CDH11: variants seen among roughly 807,000 people sequenced by gnomAD.
CDH11 encodes the protein cadherin-11.
A neutral mutation model predicts 67.8 loss-of-function variants in CDH11; 11 were observed. That is an observed-to-expected ratio of 0.16 (90% CI 0.10 to 0.27). The LOEUF (loss-of-function observed/expected upper bound fraction) is 0.27. Among genes scored for constraint, CDH11 ranks in the 10% least tolerant of loss-of-function variants. CDH11 has a pLI of 1.00. For missense variants in CDH11, 847 were observed against 1,031.2 expected (o/e 0.82, Z 2.45); for synonymous variants, 419 against 400.0 (o/e 1.05, Z -0.57).
intron 1 of CDH11, among the ~76,000 whole-genome samples, chr16:65,070,160 AG>A (rs1035476486): frequency 1.3e-5 from 2 of 152,164 alleles, no homozygotes; most frequent in African/African-American, 4.8e-5. Context: ...GAGGTAAGTA[AG>A]TTTAATATCT....
chr16:65,106,098 A>G (rs972696719), intron 1 of CDH11, among the ~76,000 whole-genome samples: 3 of 152,194 alleles, frequency 2.0e-5, no homozygotes, highest in African/African-American at 7.2e-5. Flanking sequence ...TGTTAGGAGA[A>G]TAATACACAT....
chr16:64,998,464 A>C, intron 4 of CDH11, 98 bp downstream of exon 4: 2 of 1,127,656 alleles, frequency 1.8e-6, no homozygotes, highest in Middle Eastern at 2.9e-4. Flanking sequence ...AAGATAAAGA[A>C]GAAGCTCTAC....
intron 4 of CDH11, among the ~76,000 whole-genome samples, chr16:64,996,191 A>T (rs533520146): frequency 6.6e-6 from 1 of 152,304 alleles, no homozygotes; most frequent in Admixed American, 6.5e-5. Flanking sequence ...CTCAAAAAAA[A>T]CAGAATTACA....
At chr16:65,070,755 T>C (rs552340642) in intron 1 of CDH11, among the ~76,000 whole-genome samples, 2 of 152,342 alleles carry the variant, frequency 1.3e-5, no homozygotes, top group South Asian at 2.1e-4. Context: ...GATTAACTCA[T>C]ACTGATTAGA....
At chr16:65,079,589 C>T (rs1461758882) in intron 1 of CDH11, among the ~76,000 whole-genome samples, 1 of 152,160 alleles carries the variant, frequency 6.6e-6, no homozygotes, top group Admixed American at 6.6e-5. Flanking sequence ...TTAAACTCTT[C>T]AGCATGGCCT....
chr16:64,990,017 G>A (rs1156277485), intron 6 of CDH11, among the ~76,000 whole-genome samples: 1 of 152,032 alleles, frequency 6.6e-6, no homozygotes, highest in African/African-American at 2.4e-5. Context: ...GTGGGAAGTG[G>A]GAGTCCCTTG....
chr16:65,058,949 A>G (rs1188027428), intron 1 of CDH11, among the ~76,000 whole-genome samples: 1 of 152,240 alleles, frequency 6.6e-6, no homozygotes, highest in South Asian at 2.1e-4. Context: ...GTGCATGATT[A>G]AACATTTTAC....
chr16:65,011,035 A>G (rs2073170309), intron 2 of CDH11, among the ~76,000 whole-genome samples: 1 of 148,056 alleles, frequency 6.8e-6, no homozygotes, highest in Admixed American at 6.8e-5. Context: ...ATACACACAT[A>G]TGTATATGTA....
chr16:65,096,445 A>ATG (rs1384566682), intron 1 of CDH11, among the ~76,000 whole-genome samples: 1 of 97,958 alleles, frequency 1.0e-5, no homozygotes, highest in Non-Finnish European at 2.1e-5. Flanking sequence ...GTGTGTGTGT[A>ATG]TATATATGTT....
At chr16:65,010,507 C>T (rs1406237841) in intron 2 of CDH11, among the ~76,000 whole-genome samples, 3 of 152,044 alleles carry the variant, frequency 2.0e-5, no homozygotes, top group African/African-American at 7.2e-5. Flanking sequence ...AGACTTGGAG[C>T]AAGGCATAAG....
At chr16:65,005,226 A>T (rs556872601) in intron 2 of CDH11, among the ~76,000 whole-genome samples, 185 bp from the exon 3 acceptor site, 2 of 152,332 alleles carry the variant, frequency 1.3e-5, no homozygotes, top group South Asian at 4.1e-4. Context: ...TGTACCCAGT[A>T]CAAAGCTGTC....
intron 11 of CDH11, among the ~76,000 whole-genome samples, chr16:64,965,970 C>T (rs2071813497): frequency 6.6e-6 from 1 of 151,620 alleles, no homozygotes; most frequent in East Asian, 1.9e-4. Flanking sequence ...AAATGTATAG[C>T]TCAAACTCTA....
chr16:65,006,948 C>T (rs189748614), intron 2 of CDH11: 2 of 152,308 alleles, frequency 1.3e-5, no homozygotes, highest in East Asian at 3.9e-4. Context: ...TCCTCCTCGC[C>T]TTCAACTATA....
chr16:64,972,276 T>G (rs1463887394), intron 9 of CDH11, among the ~76,000 whole-genome samples: 2 of 152,214 alleles, frequency 1.3e-5, no homozygotes, highest in Non-Finnish European at 2.9e-5. Context: ...CAGTAAGAAC[T>G]AAAACACTTT....
At chr16:64,984,662 C>G (rs1013310869) in intron 7 of CDH11, 7 of 152,138 alleles carry the variant, frequency 4.6e-5, no homozygotes, top group African/African-American at 1.7e-4. Context: ...AAGGTTATAT[C>G]TAATCTGTGG....
intron 1 of CDH11, among the ~76,000 whole-genome samples, chr16:65,079,964 T>A (rs887164218): frequency 6.6e-6 from 1 of 152,228 alleles, no homozygotes; most frequent in African/African-American, 2.4e-5. Context: ...TTTTACTTCT[T>A]GATATTTTTC....
chr16:65,113,498 T>C (rs2075194672), intron 1 of CDH11, among the ~76,000 whole-genome samples: 1 of 152,148 alleles, frequency 6.6e-6, no homozygotes, highest in Non-Finnish European at 1.5e-5. Flanking sequence ...ATCTGATTCC[T>C]GAGAATTCTA....
intron 4 of CDH11, among the ~76,000 whole-genome samples, chr16:64,995,436 C>G (rs949389855): frequency 6.6e-6 from 1 of 152,096 alleles, no homozygotes; most frequent in Non-Finnish European, 1.5e-5. Flanking sequence ...AGAAATAAAG[C>G]CACACACCTA....
chr16:65,072,911 A>T (rs1048092766), intron 1 of CDH11, among the ~76,000 whole-genome samples: 4 of 152,166 alleles, frequency 2.6e-5, no homozygotes, highest in Non-Finnish European at 4.4e-5. Context: ...GGGGTTTCCT[A>T]TAAAAATTAA....
Sources: gnomAD v4.1 joint callset for allele counts (sites outside exome capture counted in the v4.1 genomes callset) on GRCh38, gnomAD v4.1.1 for gene constraint, MANE v1.5 for transcripts, NCBI Gene and HGNC (gene_info 2026-07-23, HGNC 2026-07-21) for gene names.